ABCA8: variants seen among roughly 807,000 people sequenced by gnomAD.
ABCA8 encodes ATP binding cassette subfamily A member 8, also known as ABC-type organic anion transporter ABCA8.
Under a neutral mutation model 192.3 loss-of-function variants are expected in ABCA8, and 177 were observed. The ratio of observed to expected loss-of-function variants is 0.92; its 90% CI spans 0.81 to 1.04. The LOEUF is 1.04. Among genes scored for constraint, ABCA8 ranks in the 50% least tolerant of loss-of-function variants. ABCA8 has a pLI of 0.00. For synonymous variants in ABCA8, 642 were observed against 690.2 expected (o/e 0.93, Z 1.09); for missense variants, 1,915 against 1,904.8 (o/e 1.01, Z -0.10).
At chr17:68,945,451 T>C (rs2068372986) in intron 2 of ABCA8, among the ~76,000 whole-genome samples, 1 of 152,212 alleles carries the variant, frequency 6.6e-6, no homozygotes, top group Non-Finnish European at 1.5e-5. Flanking sequence ...GTTTAAGTTT[T>C]GTTGTGGTCA....
intron 10 of ABCA8, among the ~76,000 whole-genome samples, chr17:68,927,059 C>T (rs1279409851): frequency 2.6e-5 from 4 of 152,062 alleles, no homozygotes; most frequent in African/African-American, 4.8e-5. Flanking sequence ...AGTTCGAGAC[C>T]AGCCTGATCA....
At position 68,867,868 on chromosome 17, in the gene ABCA8, C is replaced by A; in HGVS notation, c.*217G>T. 1 of 491,908 alleles carries A rather than the reference C, an allele frequency of 2.0e-6. No homozygotes were observed. The highest frequency in any genetic ancestry group is 3.6e-6 in the Non-Finnish European group (1 of 278,408). The allele number at this position is 491,908 out of a possible 1,614,324, so 30.5% of individuals were successfully genotyped here. On this transcript the variant is annotated 3_prime_UTR_variant, in exon 40 of 40. Coordinates refer to ENST00000586539, the MANE Select transcript of ABCA8 (RefSeq NM_001288985.2). ...AGAACAATGGAACCAGTATGGCCTG[C>A]AGAGATACAGAGGCTGTGAGAGGAG...
rs1567881924 is a variant in ABCA8, at chr17:68,940,772, G to A, written c.287C>T (p.Thr96Ile). 1.9e-6 allele frequency: 3 copies of A among 1,613,244 alleles called. No individual in the cohort carries two copies. In the Admixed American group the frequency reaches 5.0e-5, roughly 27 times the overall value. The change falls in exon 4 of 40, where the codon ACT becomes ATT. Residue 96 changes from threonine to isoleucine, a missense_variant. Thr to Ile is a moderately conservative substitution (Grantham distance 89, BLOSUM62 -1). Transcript: ENST00000586539. ...TQQIMNKVASTPFLAGKEVLG... is the reference protein window; with the variant it reads ...TQQIMNKVASIPFLAGKEVLG... ...AGAAAACTTACCTGCCAGGAAGGGA[G>A]TAGAGGCTACTTTATTCATTATCTG...
At chr17:68,882,740 T>C (rs1330569667) in intron 29 of ABCA8, 21 bp from the exon 30 acceptor site, 1 of 1,601,286 alleles carries the variant, frequency 6.2e-7, no homozygotes, top group African/African-American at 1.3e-5. Context: ...AACCATCCAT[T>C]AATATTGATT....
intron 33 of ABCA8, 39 bp downstream of exon 33, chr17:68,877,480 C>CT (rs1381091929): frequency 6.4e-7 from 1 of 1,553,562 alleles, no homozygotes; most frequent in African/African-American, 1.4e-5. Flanking sequence ...TCCTCCACCC[C>CT]TCCCTTGGGT....
In ABCA8 at chr17:68,917,385, T is replaced by G; in HGVS notation, c.2114A>C (p.Lys705Thr). 1 of 1,611,896 alleles carries G rather than the reference T, an allele frequency of 6.2e-7. No individual in the cohort carries two copies. The highest frequency in any genetic ancestry group is 8.5e-7 in the Non-Finnish European group (1 of 1,178,600). The change falls in exon 17 of 40, where the codon AAA (lysine) becomes ACA (threonine). Residue 705 changes from lysine to threonine, a missense_variant. Lys to Thr is a moderately conservative substitution (Grantham distance 78). Transcript: ENST00000586539. ...CCTTAAGTGATATCCAATCCCCCAT[T>G]TCTTCTTTAGAAACAAAGAAGAGCC... The part of the protein sequence containing the change: ...CAGSSLFLKK[K>T]WGIGYHLSLQ...
chr17:68,904,711 G>A (rs138558889), intron 19 of ABCA8, among the ~76,000 whole-genome samples: 1 of 152,130 alleles, frequency 6.6e-6, no homozygotes, highest in Non-Finnish European at 1.5e-5. Flanking sequence ...TTTCCTAAGT[G>A]CATAGGAACA....
chr17:68,949,825 A>G (rs551266678), intron 1 of ABCA8, among the ~76,000 whole-genome samples: 1 of 152,354 alleles, frequency 6.6e-6, no homozygotes, highest in Non-Finnish European at 1.5e-5. Context: ...CTGCAGAGCC[A>G]TAGCCAATAT....
chr17:68,922,370 G>T, intron 11 of ABCA8, 70 bp from the exon 12 acceptor site: 1 of 1,070,736 alleles, frequency 9.3e-7, no homozygotes, highest in Non-Finnish European at 1.3e-6. Context: ...TGGTAGACAG[G>T]ATTGGATAAA....
chr17:68,903,420 A>G lies in ABCA8; in HGVS notation c.2478T>C (p.Ser826=), dbSNP rs2066966116. 1.2e-6 allele frequency: 2 copies of G among 1,614,052 alleles called. No homozygotes were observed. The highest frequency in any genetic ancestry group is 1.7e-5 in the Admixed American group (1 of 60,002). The part of the protein sequence containing the change: ...ERLVEMEQVL[S]SLNKMRKTIG... ...TTGTCTTTCTCATCTTGTTAAGTGA[A>G]GAGAGGACTTGTTCCATCTCAACAA... The change falls in exon 20 of 40, where the codon TCT becomes TCC. Residue 826 remains serine, a synonymous_variant. Transcript: ENST00000586539.
In ABCA8 at chr17:68,927,824, C is replaced by A. The variant is rs914872628; in HGVS notation, c.1273+92G>T. The A allele has an allele frequency of 2.0e-5, 21 of 1,026,028 alleles. No homozygotes were observed. In the African/African-American group the frequency reaches 3.1e-4, roughly 15 times the overall value. The allele number at this position is 1,026,028 out of a possible 1,614,324, so 63.6% of individuals were successfully genotyped here. A position where few individuals can be genotyped will look rare whatever the true frequency, so the allele number is the denominator to read the frequency against. On this transcript the variant is annotated intron_variant, in intron 10 of 39. Coordinates refer to ENST00000586539, the MANE Select transcript of ABCA8 (RefSeq NM_001288985.2). ...TTTGCTGTTGATACACAAAATAGTTCTTAAAATATAAATAGTATATCCATT... is the reference window on the plus strand; with the variant it reads ...TTTGCTGTTGATACACAAAATAGTTATTAAAATATAAATAGTATATCCATT...
At chr17:68,876,891 G>A (rs920896945) in intron 33 of ABCA8, among the ~76,000 whole-genome samples, 188 bp from the exon 34 acceptor site, 3 of 152,144 alleles carry the variant, frequency 2.0e-5, no homozygotes, top group African/African-American at 4.8e-5. Flanking sequence ...ATTGCTTTTT[G>A]AAGAAATAGA....
intron 4 of ABCA8, among the ~76,000 whole-genome samples, chr17:68,939,633 G>A (rs2068169585): frequency 6.6e-6 from 1 of 151,974 alleles, no homozygotes; most frequent in Admixed American, 6.6e-5. Context: ...TGTGAATGAA[G>A]CCAGCACACA....
chr17:68,949,130 T>G (rs1341278395), intron 2 of ABCA8, among the ~76,000 whole-genome samples, 182 bp downstream of exon 2: 1 of 152,158 alleles, frequency 6.6e-6, no homozygotes, highest in Non-Finnish European at 1.5e-5. Flanking sequence ...TATCATGGTG[T>G]TTTGGTTACT....
intron 27 of ABCA8, chr17:68,884,920 A>G (rs2066422011): frequency 1.1e-6 from 1 of 907,846 alleles, no homozygotes; most frequent in Non-Finnish European, 1.3e-6. Context: ...CGAGCATATC[A>G]AGGAGGAAAT....
In ABCA8 at chr17:68,873,847, T is replaced by C. The variant is rs560082221; in HGVS notation, c.4631+1413A>G. Among the ~76,000 whole-genome samples, 40 of 152,328 alleles carry C rather than the reference T, an allele frequency of 2.6e-4. No homozygotes were observed. In the East Asian group the frequency reaches 3.1e-3, roughly 12 times the overall value. On this transcript the variant is annotated intron_variant, in intron 37 of 39. Transcript: ENST00000586539. ...GTATTCTTGGCACGCTTTTTGAAGATCAGTTGGCCATATATTCAGGGATTT... is the reference window on the plus strand; with the variant it reads ...GTATTCTTGGCACGCTTTTTGAAGACCAGTTGGCCATATATTCAGGGATTT...
At position 68,910,397 on chromosome 17, in the gene ABCA8, G is replaced by C. The variant is rs538832422; in HGVS notation, c.2139-2518C>G. On this transcript the variant is annotated intron_variant, in intron 17 of 39. Transcript: ENST00000586539. ...TCACAGTGACAAGCAACGTAGGGCA[G>C]AATTCGGCCACTGCCCACAGAGGGA... is the stretch of plus-strand genomic sequence containing the variant. Among the ~76,000 whole-genome samples the C allele has an allele frequency of 1.8e-4, 27 of 152,296 alleles. No homozygotes were observed. The South Asian group carries it at 5.4e-3, about 30-fold the overall frequency.
intron 14 of ABCA8, among the ~76,000 whole-genome samples, chr17:68,918,930 CAAAAAAAAAAAA>C (rs34377045): frequency 2.2e-5 from 1 of 45,950 alleles, no homozygotes; most frequent in Non-Finnish European, 4.5e-5. Context: ...AACTCTGTCT[CAAAAAAAAAAAA>C]AAAAAAAAAA....
rs768238319 is a variant in ABCA8, at chr17:68,868,383, TC to T, written c.4712-28del. ...TGCATAGGGATGAACATGTATTAGTTCATATATTTCATATCTAGAGGTCTCA... is the reference window on the plus strand; with the variant it reads ...TGCATAGGGATGAACATGTATTAGTTATATATTTCATATCTAGAGGTCTCA... On this transcript the variant is annotated intron_variant, in intron 38 of 39. Coordinates refer to ENST00000586539, the MANE Select transcript of ABCA8 (RefSeq NM_001288985.2). 3.6e-5 allele frequency: 56 copies of T among 1,573,786 alleles called. No homozygotes were observed. In the African/African-American group the frequency reaches 4.3e-4, roughly 12 times the overall value.
Sources: allele counts gnomAD v4.1 joint callset (sites outside exome capture counted in the v4.1 genomes callset), GRCh38; gene constraint gnomAD v4.1.1; transcripts MANE v1.5; gene names NCBI Gene and HGNC (gene_info 2026-07-23, HGNC 2026-07-21).